Variants in ALG6 observed in about 807,000 individuals in gnomAD.
The protein encoded by ALG6 is ALG6 alpha-1,3-glucosyltransferase.
A neutral mutation model predicts 66.6 loss-of-function variants in ALG6; 46 were observed. That is an observed-to-expected ratio of 0.69 (90% confidence interval 0.55 to 0.88). The LOEUF is 0.88. Ranked by LOEUF, ALG6 falls within the 40% of genes least tolerant of loss-of-function variation. The probability of loss-of-function intolerance (pLI) is 0.00; values close to 1 mark genes in which losing one functional copy is unlikely to be tolerated. For missense variants in ALG6, 505 were observed against 586.8 expected (o/e 0.86, Z 1.44); for synonymous variants, 185 against 203.7 (o/e 0.91, Z 0.78).
Position 63,411,989 on chromosome 1 carries a change from A to G in ALG6, c.744A>G (p.Pro248=), listed in dbSNP as rs1269256044. The change falls in exon 9 of 15, where the codon CCA becomes CCG. Residue 248 remains proline (P), a synonymous_variant. Coordinates refer to ENST00000263440, the MANE Select transcript of ALG6 (RefSeq NM_013339.4). Reference sequence around the variant, plus strand: ...CTTCCTTCGTTCTCTGCTGGCTGCCATTCTTTACAGAAAGGGAACAAACCC... The same window carrying G: ...CTTCCTTCGTTCTCTGCTGGCTGCCGTTCTTTACAGAAAGGGAACAAACCC... ...VVASFVLCWL[P]FFTEREQTLQ... is the part of the protein sequence containing the mutation. The G allele has an allele frequency of 1.2e-6, 2 of 1,614,116 alleles. No individual in the cohort carries two copies. Among genetic ancestry groups the G allele is most frequent in the South Asian group, 1.1e-5 (1 of 91,082 alleles).
rs1390514678 is a variant in ALG6 at position 63,428,634 on chromosome 1, G to A, written c.1059-99G>A. The A allele has an allele frequency of 1.7e-5, 16 of 938,892 alleles. No homozygotes were observed. In the Admixed American group the frequency reaches 2.1e-4, roughly 12 times the overall value. The allele number at this position is 938,892 out of a possible 1,614,324, so 58.2% of individuals were successfully genotyped here. ...CCTTCCTGGCTGTTTTTAAGCTACC[G>A]CTGAAAATCAGACAGATAAAATGTA... On this transcript the variant is annotated intron_variant, in intron 12 of 14. Coordinates refer to ENST00000263440, the MANE Select transcript of ALG6 (RefSeq NM_013339.4).
chr1:63,435,957 T>C (rs150649741), intron 14 of ALG6, among the ~76,000 whole-genome samples: 124 of 152,300 alleles, frequency 8.1e-4, no homozygotes, highest in African/African-American at 2.9e-3. Context: ...CTCAGCTTGG[T>C]ATTTAAGCCA....
chr1:63,424,703 AC>A (rs1357846558), intron 12 of ALG6, among the ~76,000 whole-genome samples: 1 of 149,962 alleles, frequency 6.7e-6, no homozygotes, highest in African/African-American at 2.5e-5. Context: ...ATAAAGATTT[AC>A]CCTCATTTTC....
intron 9 of ALG6, among the ~76,000 whole-genome samples, chr1:63,413,010 A>G (rs1277327980): frequency 6.6e-6 from 1 of 152,180 alleles, no homozygotes; most frequent in Non-Finnish European, 1.5e-5. Context: ...GTGTGACTGT[A>G]TGTCAACAGG....
chr1:63,403,180 G>T (rs896485899), intron 4 of ALG6, among the ~76,000 whole-genome samples: 1 of 149,558 alleles, frequency 6.7e-6, no homozygotes, highest in Non-Finnish European at 1.5e-5. Flanking sequence ...CAAGAAATGT[G>T]AAAAACCTAG....
intron 14 of ALG6, among the ~76,000 whole-genome samples, chr1:63,434,868 C>G (rs553145914): frequency 6.6e-6 from 1 of 152,060 alleles, no homozygotes; most frequent in Non-Finnish European, 1.5e-5. Flanking sequence ...AGAATGCAGA[C>G]GTAGGGGACA....
At chr1:63,394,112 A>C (rs1489719721) in intron 2 of ALG6, among the ~76,000 whole-genome samples, 1 of 152,216 alleles carries the variant, frequency 6.6e-6, no homozygotes, top group African/African-American at 2.4e-5. Context: ...AAATACAAAC[A>C]CTTCATGTAA....
chr1:63,436,705 A>C, intron 14 of ALG6, 118 bp from the exon 15 acceptor site: 1 of 984,356 alleles, frequency 1.0e-6, no homozygotes, highest in South Asian at 1.3e-5. Context: ...ACACCAGAAT[A>C]AATTAGACCC....
chr1:63,428,413 C>T lies in ALG6; in HGVS notation c.1059-320C>T, dbSNP rs562653369. Reference sequence around the variant, plus strand: ...TTACCAAGTACTACGAAATATGTGACAAAGCCTTCTCAGATTTGTTTATCT... The same window carrying T: ...TTACCAAGTACTACGAAATATGTGATAAAGCCTTCTCAGATTTGTTTATCT... On this transcript the variant is annotated intron_variant, in intron 12 of 14. Transcript: ENST00000263440. 1.3e-4 allele frequency: 28 copies of T among 207,906 alleles called. No individual in the cohort carries two copies. In the South Asian group the frequency reaches 3.4e-3, roughly 25 times the overall value. 12.9% of individuals were successfully genotyped at this position (207,906 alleles called of 1,614,324 possible).
At chr1:63,422,225 A>AGATATAAATATATATATATG (rs1491422091) in intron 12 of ALG6, among the ~76,000 whole-genome samples, 1 of 71,588 alleles carries the variant, frequency 1.4e-5, no homozygotes, top group African/African-American at 6.4e-5. Flanking sequence ...ATATTTATAT[A>AGATATAAATATATATATATG]AATATAAATA....
chr1:63,434,735 G>A (rs1163608483), intron 14 of ALG6, among the ~76,000 whole-genome samples: 1 of 152,160 alleles, frequency 6.6e-6, no homozygotes, highest in East Asian at 1.9e-4. Context: ...CTGGTTTAGG[G>A]GAAAGGGCCA....
At chr1:63,396,177 G>T (rs1464214580) in intron 2 of ALG6, among the ~76,000 whole-genome samples, 1 of 152,144 alleles carries the variant, frequency 6.6e-6, no homozygotes, top group Non-Finnish European at 1.5e-5. Flanking sequence ...TAATAATAGT[G>T]TCTATTTATT....
At chr1:63,430,709 A>G (rs936438264) in intron 14 of ALG6, among the ~76,000 whole-genome samples, 13 of 152,202 alleles carry the variant, frequency 8.5e-5, no homozygotes, top group African/African-American at 2.4e-4. Context: ...AGAAATGCCT[A>G]TTCAAATCCT....
intron 2 of ALG6, among the ~76,000 whole-genome samples, chr1:63,382,679 GTTTTTTTTT>G (rs59573321): frequency 2.0e-4 from 4 of 19,768 alleles, no homozygotes; most frequent in African/African-American, 9.1e-4. Context: ...TTTTTTTTTT[GTTTTTTTTT>G]TTTTTGAGAC....
At chr1:63,418,906 A>C (rs539798054) in intron 11 of ALG6, among the ~76,000 whole-genome samples, 31 of 152,252 alleles carry the variant, frequency 2.0e-4, no homozygotes, top group African/African-American at 7.0e-4. Flanking sequence ...AAAATAGATA[A>C]TTTTTTTTAA....
intron 14 of ALG6, 71 bp from the exon 15 acceptor site, chr1:63,436,752 A>G: frequency 6.9e-7 from 1 of 1,439,226 alleles, no homozygotes; most frequent in Non-Finnish European, 9.8e-7. Context: ...TTTAATAGCT[A>G]CAAGTCAATG....
chr1:63,412,607 G>A (rs1398046856), intron 9 of ALG6, among the ~76,000 whole-genome samples: 1 of 152,044 alleles, frequency 6.6e-6, no homozygotes, highest in Non-Finnish European at 1.5e-5. Flanking sequence ...TAATAATCAT[G>A]TTGCTTCAGG....
chr1:63,430,501 A>G (rs1158915678), intron 14 of ALG6, among the ~76,000 whole-genome samples: 1 of 152,156 alleles, frequency 6.6e-6, no homozygotes, highest in African/African-American at 2.4e-5. Flanking sequence ...GTGCAGCACA[A>G]TTCTTCATTC....
intron 12 of ALG6, among the ~76,000 whole-genome samples, chr1:63,422,474 AAT>A (rs1181702108): frequency 3.2e-5 from 3 of 95,050 alleles, no homozygotes; most frequent in Admixed American, 1.4e-4. Flanking sequence ...TATATATATA[AAT>A]ATATATATAT....
Sources: gnomAD v4.1 joint callset for allele counts (sites outside exome capture counted in the v4.1 genomes callset) on GRCh38, gnomAD v4.1.1 for gene constraint, MANE v1.5 for transcripts, NCBI Gene and HGNC (gene_info 2026-07-23, HGNC 2026-07-21) for gene names.